SLC26A7: variants seen among roughly 807,000 people sequenced by gnomAD.
SLC26A7 encodes the protein solute carrier family 26 member 7, also known as anion exchange transporter.
A neutral mutation model predicts 82.5 loss-of-function variants in SLC26A7; 59 were observed. That is an observed-to-expected ratio of 0.72 (90% CI 0.58 to 0.89). The LOEUF (loss-of-function observed/expected upper bound fraction) is 0.89. Among genes scored for constraint, SLC26A7 ranks in the 40% least tolerant of loss-of-function variants. SLC26A7 has a pLI of 0.00. For missense variants in SLC26A7, 820 were observed against 793.0 expected, an observed-to-expected ratio of 1.03 and a Z score of -0.41; for synonymous variants, 271 against 274.3, an observed-to-expected ratio of 0.99 and a Z score of 0.12.
chr8:91,299,120 G>A (rs1019119669), intron 4 of SLC26A7, among the ~76,000 whole-genome samples: 1 of 152,024 alleles, frequency 6.6e-6, no homozygotes, highest in Non-Finnish European at 1.5e-5. Flanking sequence ...TTTGTGAATT[G>A]TCTATTTATA....
chr8:91,357,578 C>T (rs1030318726), intron 11 of SLC26A7, among the ~76,000 whole-genome samples: 3 of 152,116 alleles, frequency 2.0e-5, no homozygotes, highest in Non-Finnish European at 4.4e-5. Flanking sequence ...TGAAACTAAT[C>T]CCTTCCTTAC....
At chr8:91,338,371 A>ATGAAGTGTGT in intron 7 of SLC26A7, 139 bp downstream of exon 7, 1 of 543,286 alleles carries the variant, frequency 1.8e-6, no homozygotes, top group Non-Finnish European at 3.1e-6. Flanking sequence ...AGAAATACAC[A>ATGAAGTGTGT]CTTCATGTGT....
intron 3 of SLC26A7, among the ~76,000 whole-genome samples, chr8:91,294,133 G>A (rs1459248426): frequency 5.9e-5 from 9 of 152,076 alleles, no homozygotes; most frequent in Non-Finnish European, 1.2e-4. Context: ...CCAACTCTAT[G>A]GAACAGAGAA....
chr8:91,280,803 T>A (rs1350441095), intron 2 of SLC26A7, among the ~76,000 whole-genome samples: 2 of 152,220 alleles, frequency 1.3e-5, no homozygotes, highest in Non-Finnish European at 2.9e-5. Context: ...CCCTGTGGTG[T>A]ATTCCAAAAG....
intron 5 of SLC26A7, among the ~76,000 whole-genome samples, chr8:91,332,491 TAC>T (rs34306717): frequency 0.077 from 9,648 of 125,032 alleles, 374 homozygotes; most frequent in East Asian, 0.13. Context: ...ATATATTTAA[TAC>T]ACACACACAC....
At chr8:91,244,806 C>T (rs1440536021), upstream of SLC26A7, among the ~76,000 whole-genome samples, 1 of 151,960 alleles carries the variant, frequency 6.6e-6, no homozygotes, top group Non-Finnish European at 1.5e-5. Flanking sequence ...TAGGTATGAG[C>T]CACTGCACCT....
chr8:91,394,403 G>A, intron 18 of SLC26A7: 4 of 1,464,800 alleles, frequency 2.7e-6, no homozygotes, highest in Non-Finnish European at 3.6e-6. Context: ...GGCCTTTTAA[G>A]TTTTTTCTGC....
At chr8:91,278,695 A>G (rs1811472609) in intron 2 of SLC26A7, among the ~76,000 whole-genome samples, 1 of 152,182 alleles carries the variant, frequency 6.6e-6, no homozygotes, top group African/African-American at 2.4e-5. Flanking sequence ...TGTATGCAGT[A>G]TGAAATGGCT....
chr8:91,265,248 TC>T (rs1811079795), intron 2 of SLC26A7, among the ~76,000 whole-genome samples: 1 of 152,044 alleles, frequency 6.6e-6, no homozygotes, highest in South Asian at 2.1e-4. Flanking sequence ...TGAATAGAAT[TC>T]CATGGTTTAT....
chr8:91,386,447 T>C (rs1197691817), intron 15 of SLC26A7, among the ~76,000 whole-genome samples: 1 of 152,174 alleles, frequency 6.6e-6, no homozygotes, highest in Non-Finnish European at 1.5e-5. Context: ...AAAAGAGGTA[T>C]CATTTGGTAA....
chr8:91,338,307 G>C, intron 7 of SLC26A7, 75 bp downstream of exon 7: 1 of 971,874 alleles, frequency 1.0e-6, no homozygotes, highest in Non-Finnish European at 1.5e-6. Context: ...CAGGGAGTGA[G>C]TGGGTATGGA....
intron 18 of SLC26A7, chr8:91,394,853 C>T: frequency 1.3e-6 from 1 of 785,440 alleles, no homozygotes. Context: ...GGAAATTACA[C>T]CATCTGTAAG....
intron 15 of SLC26A7, among the ~76,000 whole-genome samples, chr8:91,388,877 T>G (rs1814876018): frequency 6.6e-6 from 1 of 150,948 alleles, no homozygotes. Context: ...TTTTTTAGAG[T>G]GATTCCAAAA....
At chr8:91,379,427 C>CT (rs951758933) in intron 15 of SLC26A7, among the ~76,000 whole-genome samples, 1 of 151,976 alleles carries the variant, frequency 6.6e-6, no homozygotes, top group African/African-American at 2.4e-5. Context: ...TTATAAAGCT[C>CT]TAATAATCAC....
intron 9 of SLC26A7, chr8:91,348,245 T>C (rs1301482066): frequency 1.3e-6 from 1 of 791,442 alleles, no homozygotes; most frequent in African/African-American, 1.9e-5. Flanking sequence ...ATCTCTCTCT[T>C]TTTTTCTTTC....
rs1473635443 is a variant in SLC26A7, at chr8:91,397,671, T to C, written c.*2574T>C. The C allele has an allele frequency of 6.6e-6, 1 of 152,560 alleles. No individual in the cohort carries two copies. The highest frequency in any genetic ancestry group is 1.5e-5 in the Non-Finnish European group (1 of 67,958). The allele number at this position is 152,560 out of a possible 1,614,324, so 9.5% of individuals were successfully genotyped here. A position where few individuals can be genotyped will look rare whatever the true frequency, so the allele number is the denominator to read the frequency against. The stretch of plus-strand genomic sequence containing the variant: ...AGGTTATTTGCTCCCGATTATATGA[T>C]TCAAGTGTTATAAGTTTTAGCTTGA... On this transcript the variant is annotated 3_prime_UTR_variant, in exon 19 of 19. Coordinates refer to ENST00000276609, the MANE Select transcript of SLC26A7 (RefSeq NM_052832.4).
At chr8:91,341,506 C>T (rs910540659) in intron 8 of SLC26A7, among the ~76,000 whole-genome samples, 1 of 152,168 alleles carries the variant, frequency 6.6e-6, no homozygotes, top group Non-Finnish European at 1.5e-5. Flanking sequence ...ATCTCATTCT[C>T]ACACTATGTG....
intron 4 of SLC26A7, among the ~76,000 whole-genome samples, chr8:91,309,371 T>A (rs1812412480): frequency 6.6e-6 from 1 of 151,752 alleles, no homozygotes; most frequent in South Asian, 2.1e-4. Context: ...CCCTAATGCA[T>A]TACCAGAATG....
At chr8:91,390,456 A>T (rs190362109) in intron 16 of SLC26A7, among the ~76,000 whole-genome samples, 7 of 151,324 alleles carry the variant, frequency 4.6e-5, no homozygotes, top group Admixed American at 4.6e-4. Flanking sequence ...CTTCTTTCTT[A>T]TTTCTTTTTG....
Sources: allele counts gnomAD v4.1 joint callset (sites outside exome capture counted in the v4.1 genomes callset), GRCh38; gene constraint gnomAD v4.1.1; transcripts MANE v1.5; gene names NCBI Gene and HGNC (gene_info 2026-07-23, HGNC 2026-07-21).